CMTM8: variants seen among roughly 807,000 people sequenced by gnomAD.
The protein encoded by CMTM8 is CKLF-like MARVEL transmembrane domain-containing protein 8.
Under a neutral mutation model 18.6 loss-of-function variants are expected in CMTM8, and 12 were observed. The ratio of observed to expected loss-of-function variants is 0.65; its 90% confidence interval spans 0.41 to 1.05. The LOEUF (loss-of-function observed/expected upper bound fraction) is 1.05. Ranked by LOEUF, CMTM8 falls within the 50% of genes least tolerant of loss-of-function variation. CMTM8 has a pLI of 0.00. For synonymous variants in CMTM8, 87 were observed against 90.6 expected (o/e 0.96, Z 0.23); for missense variants, 217 against 227.2 (o/e 0.95, Z 0.29).
chr3:32,315,997 G>A (rs1261009003), intron 1 of CMTM8, among the ~76,000 whole-genome samples: 1 of 127,284 alleles, frequency 7.9e-6, no homozygotes, highest in African/African-American at 2.9e-5. Context: ...AATTTTACTT[G>A]ATCTTTTCTG....
At chr3:32,276,893 A>AT (rs11295488) in intron 1 of CMTM8, among the ~76,000 whole-genome samples, 32 of 147,666 alleles carry the variant, frequency 2.2e-4, no homozygotes, top group East Asian at 6.0e-4. Flanking sequence ...CTCCTGAGAA[A>AT]TTTTTTTTTT....
intron 1 of CMTM8, among the ~76,000 whole-genome samples, chr3:32,279,321 C>G (rs1473842957): frequency 8.9e-6 from 1 of 111,780 alleles, no homozygotes; most frequent in African/African-American, 3.5e-5. Flanking sequence ...ACTGCTATCC[C>G]TCCCCCCTCC....
At chr3:32,363,783 G>A (rs1335549922) in intron 2 of CMTM8, among the ~76,000 whole-genome samples, 2 of 152,154 alleles carry the variant, frequency 1.3e-5, no homozygotes, top group Non-Finnish European at 2.9e-5. Flanking sequence ...ACCTGATTCA[G>A]TGTGTCTGGG....
intron 1 of CMTM8, among the ~76,000 whole-genome samples, chr3:32,268,590 T>A (rs199759233): frequency 1.5e-4 from 22 of 147,948 alleles, no homozygotes; most frequent in Admixed American, 1.3e-4. Context: ...ACTTAAAGTA[T>A]AAAAAAAAAA....
chr3:32,359,588 TCAAAA>T (rs921213652), intron 2 of CMTM8, among the ~76,000 whole-genome samples: 2 of 152,066 alleles, frequency 1.3e-5, no homozygotes, highest in African/African-American at 4.8e-5. Context: ...AGACTCTGTC[TCAAAA>T]CAAAACAAAA....
At chr3:32,336,083 C>T (rs2125586691) in intron 1 of CMTM8, among the ~76,000 whole-genome samples, 1 of 152,356 alleles carries the variant, frequency 6.6e-6, no homozygotes, top group Middle Eastern at 3.4e-3. Context: ...TGGAGGCAAG[C>T]ATTTCATAAT....
At chr3:32,306,642 G>A (rs1695721367) in intron 1 of CMTM8, among the ~76,000 whole-genome samples, 1 of 152,198 alleles carries the variant, frequency 6.6e-6, no homozygotes, top group African/African-American at 2.4e-5. Flanking sequence ...GAGTAAGATT[G>A]CTGAGGCAAA....
intron 1 of CMTM8, chr3:32,259,387 T>C (rs1162738706): frequency 7.0e-6 from 6 of 856,440 alleles, no homozygotes; most frequent in Admixed American, 1.7e-5. Flanking sequence ...ATGCCCGCAT[T>C]GTTCTGCAGA....
chr3:32,271,434 A>G (rs1000577405), intron 1 of CMTM8, among the ~76,000 whole-genome samples: 6 of 152,208 alleles, frequency 3.9e-5, no homozygotes, highest in Non-Finnish European at 7.3e-5. Flanking sequence ...TCTGTATTCT[A>G]TAAAGTTCAA....
At chr3:32,333,105 T>G (rs1240563505) in intron 1 of CMTM8, among the ~76,000 whole-genome samples, 2 of 152,218 alleles carry the variant, frequency 1.3e-5, no homozygotes, top group African/African-American at 2.4e-5. Context: ...TTGCAACTAC[T>G]CCACTGTGTC....
At chr3:32,344,046 A>G (rs923071887) in intron 1 of CMTM8, among the ~76,000 whole-genome samples, 15 of 152,230 alleles carry the variant, frequency 9.9e-5, no homozygotes, top group African/African-American at 3.6e-4. Context: ...CATATGTGCC[A>G]TATTAAATGT....
chr3:32,243,074 A>C (rs1485249308), intron 1 of CMTM8, among the ~76,000 whole-genome samples: 1 of 150,858 alleles, frequency 6.6e-6, no homozygotes, highest in Non-Finnish European at 1.5e-5. Flanking sequence ...TGTATTTTTC[A>C]TAGAGACAGG....
chr3:32,343,950 C>T (rs1346878631), intron 1 of CMTM8, among the ~76,000 whole-genome samples: 4 of 152,212 alleles, frequency 2.6e-5, no homozygotes, highest in South Asian at 2.1e-4. Flanking sequence ...ATCTGCCCTT[C>T]GCAGCCTCCC....
intron 1 of CMTM8, among the ~76,000 whole-genome samples, chr3:32,258,502 G>GT (rs928426522): frequency 1.2e-4 from 18 of 151,790 alleles, no homozygotes; most frequent in South Asian, 2.1e-4. Context: ...ACAGTGCTTT[G>GT]TTTTTTTTGT....
intron 1 of CMTM8, among the ~76,000 whole-genome samples, chr3:32,334,237 C>G (rs1431865609): frequency 6.6e-6 from 1 of 151,876 alleles, no homozygotes; most frequent in Non-Finnish European, 1.5e-5. Context: ...CTCTGCCTCC[C>G]AAAGTGCTGG....
chr3:32,359,651 A>G (rs6550116), intron 2 of CMTM8, among the ~76,000 whole-genome samples: 77,103 of 151,432 alleles, frequency 0.51, 19,641 homozygotes, highest in Admixed American at 0.53. Flanking sequence ...TAGTTTACAG[A>G]CCTCTTGTGT....
At position 32,239,003 on chromosome 3, in the gene CMTM8, A is replaced by G. The variant is rs1701907911; in HGVS notation, c.31A>G (p.Thr11Ala). Residue 11 changes from threonine (T) to alanine (A), a missense_variant, in exon 1 of 4, where the codon ACA (threonine) becomes GCA (alanine). Transcript: ENST00000307526. Reference protein sequence around the residue: MEEPQRARSHTVTTTASSFAE... With the variant: MEEPQRARSHAVTTTASSFAE... ...GGAGCCGCAGCGCGCCCGCTCGCAC[A>G]CAGTCACCACCACCGCCAGCTCCTT... 6.4e-7 allele frequency: 1 copy of G among 1,557,512 alleles called. No homozygotes were observed. Among genetic ancestry groups the G allele is most frequent in the African/African-American group, 1.4e-5 (1 of 73,122 alleles).
chr3:32,368,746 G>A (rs1174988997), intron 3 of CMTM8, among the ~76,000 whole-genome samples: 1 of 152,084 alleles, frequency 6.6e-6, no homozygotes, highest in Non-Finnish European at 1.5e-5. Context: ...ACAGGCATGA[G>A]CCACTGCGCC....
intron 1 of CMTM8, 134 bp downstream of exon 1, chr3:32,239,253 T>C: frequency 1.0e-6 from 1 of 974,456 alleles, no homozygotes; most frequent in South Asian, 1.7e-5. Context: ...CAGCCTCGCC[T>C]TCTTCCCAAA....
Sources: gnomAD v4.1 joint callset for allele counts (sites outside exome capture counted in the v4.1 genomes callset) on GRCh38, gnomAD v4.1.1 for gene constraint, MANE v1.5 for transcripts, NCBI Gene and HGNC (gene_info 2026-07-23, HGNC 2026-07-21) for gene names.